Variants in FGF12 observed in about 807,000 individuals in gnomAD.
FGF12 encodes fibroblast growth factor 12.
Under a neutral mutation model 23.6 loss-of-function variants are expected in FGF12, and 14 were observed. The observed-to-expected ratio is 0.59, with a 90% CI of 0.39 to 0.93. The LOEUF is 0.93. FGF12 is among the 40% of genes least tolerant of loss of function. The pLI is 0.00. For missense variants in FGF12, 175 were observed against 217.8 expected (o/e 0.80, Z 1.24); for synonymous variants, 62 against 77.3 (o/e 0.80, Z 1.04).
intron 2 of FGF12, among the ~76,000 whole-genome samples, chr3:192,654,103 A>T (rs2108678450): frequency 6.6e-6 from 1 of 152,330 alleles, no homozygotes; most frequent in Middle Eastern, 3.4e-3. Context: ...TATGTGAAGG[A>T]TTTCAGGATT....
chr3:192,704,456 T>C (rs1266594820), intron 2 of FGF12, among the ~76,000 whole-genome samples: 2 of 152,226 alleles, frequency 1.3e-5, no homozygotes, highest in African/African-American at 4.8e-5. Flanking sequence ...TTCTGGGCAG[T>C]AAGTCTCAAT....
At chr3:192,169,103 G>T (rs1203548251) in intron 5 of FGF12, among the ~76,000 whole-genome samples, 1 of 152,164 alleles carries the variant, frequency 6.6e-6, no homozygotes, top group East Asian at 1.9e-4. Context: ...CACTTTGGGA[G>T]GCCGAGGTGG....
intron 2 of FGF12, among the ~76,000 whole-genome samples, chr3:192,706,473 C>A (rs1718475712): frequency 6.6e-6 from 1 of 152,092 alleles, no homozygotes; most frequent in Non-Finnish European, 1.5e-5. Context: ...GATCACCCGG[C>A]TCCCCGCCCA....
At chr3:192,209,439 C>A (rs1306422982) in intron 4 of FGF12, among the ~76,000 whole-genome samples, 2 of 152,192 alleles carry the variant, frequency 1.3e-5, no homozygotes, top group African/African-American at 4.8e-5. Context: ...ATAGAACAAG[C>A]TTCTGCCTTG....
At chr3:192,170,383 C>T (rs2108618511) in intron 5 of FGF12, 75 bp downstream of exon 5, 1 of 1,287,644 alleles carries the variant, frequency 7.8e-7, no homozygotes, top group South Asian at 1.3e-5. Context: ...ACTCTCTGGA[C>T]CAAAAGGGCA....
chr3:192,155,126 C>G (rs967430305), intron 5 of FGF12, among the ~76,000 whole-genome samples: 1 of 107,238 alleles, frequency 9.3e-6, no homozygotes, highest in African/African-American at 3.2e-5. Context: ...GAACTCCCTG[C>G]CCCCTTGCGC....
At chr3:192,426,972 T>C (rs191924314) in intron 2 of FGF12, among the ~76,000 whole-genome samples, 211 of 152,358 alleles carry the variant, frequency 1.4e-3, no homozygotes, top group African/African-American at 4.8e-3. Flanking sequence ...TTTTGAGGTA[T>C]ACAAAAATAC....
rs1236634306 is a variant in FGF12 at position 192,408,666 on chromosome 3, G to A, written c.14-48128C>T. On this transcript the variant is annotated intron_variant, in intron 2 of 5. Coordinates refer to ENST00000445105, the MANE Select transcript of FGF12 (RefSeq NM_004113.6). The surrounding 1 kb of genome is among the most constrained non-coding windows in gnomAD (Gnocchi z 7.3). ...GCGCAAGCGTTGTAAGGTGTCCAAA[G>A]TATACCTACACATACATACATAGAA... The A allele has an allele frequency of 2.0e-6, 2 of 1,011,250 alleles. No individual in the cohort carries two copies. Among genetic ancestry groups the A allele is most frequent in the South Asian group, 8.5e-5 (2 of 23,580 alleles). The allele number at this position is 1,011,250 out of a possible 1,614,324, so 62.6% of individuals were successfully genotyped here.
intron 2 of FGF12, among the ~76,000 whole-genome samples, chr3:192,486,226 T>C (rs1209397594): frequency 2.6e-5 from 4 of 152,240 alleles, no homozygotes; most frequent in South Asian, 2.1e-4. Flanking sequence ...TATATATCAA[T>C]GAGCAAGACA....
intron 2 of FGF12, among the ~76,000 whole-genome samples, chr3:192,428,314 T>C (rs2108788508): frequency 6.6e-6 from 1 of 152,120 alleles, no homozygotes; most frequent in Non-Finnish European, 1.5e-5. Flanking sequence ...TAATTAAAGG[T>C]GTGTTAGAGG....
chr3:192,284,355 T>C (rs1714323905), intron 4 of FGF12, among the ~76,000 whole-genome samples: 2 of 152,114 alleles, frequency 1.3e-5, no homozygotes, highest in South Asian at 4.1e-4. Flanking sequence ...AATATAATTC[T>C]TTGAGATATC....
At chr3:192,696,317 G>C (rs1022757738) in intron 2 of FGF12, among the ~76,000 whole-genome samples, 1 of 152,136 alleles carries the variant, frequency 6.6e-6, no homozygotes, top group Non-Finnish European at 1.5e-5. Flanking sequence ...CTCTGAGCAA[G>C]TGACTGATGC....
intron 4 of FGF12, among the ~76,000 whole-genome samples, chr3:192,259,983 G>C (rs1441963601): frequency 6.6e-6 from 1 of 152,098 alleles, no homozygotes; most frequent in Non-Finnish European, 1.5e-5. Flanking sequence ...TGCTTTTGCT[G>C]ACAGAAATTA....
chr3:192,448,076 T>C (rs932628197), intron 2 of FGF12, among the ~76,000 whole-genome samples: 2 of 150,794 alleles, frequency 1.3e-5, no homozygotes, highest in African/African-American at 5.0e-5. Context: ...AGTATTTTCA[T>C]ATATATATGT....
chr3:192,522,483 T>C (rs1227736289), intron 2 of FGF12, among the ~76,000 whole-genome samples: 1 of 152,260 alleles, frequency 6.6e-6, no homozygotes, highest in African/African-American at 2.4e-5. Context: ...ATAAAGGAAA[T>C]GGGAACCCTC....
At chr3:192,281,191 A>G (rs1003504984) in intron 4 of FGF12, among the ~76,000 whole-genome samples, 14 of 152,164 alleles carry the variant, frequency 9.2e-5, no homozygotes, top group African/African-American at 3.4e-4. Flanking sequence ...AACGTCAGCA[A>G]GGCCATCTTC....
intron 4 of FGF12, among the ~76,000 whole-genome samples, chr3:192,278,310 G>T (rs1314754947): frequency 1.3e-5 from 2 of 152,082 alleles, no homozygotes; most frequent in African/African-American, 4.8e-5. Flanking sequence ...AATTCTACAA[G>T]GAAGACATAG....
At chr3:192,247,239 A>G (rs111560637) in intron 4 of FGF12, among the ~76,000 whole-genome samples, 2,343 of 152,268 alleles carry the variant, frequency 0.015, 54 homozygotes, top group African/African-American at 0.054. Flanking sequence ...CTTGCAGCCT[A>G]ATCCCAAATA....
intron 4 of FGF12, among the ~76,000 whole-genome samples, chr3:192,315,302 A>G (rs1348162037): frequency 6.6e-6 from 1 of 152,062 alleles, no homozygotes; most frequent in Non-Finnish European, 1.5e-5. Context: ...TCTCAGTGCT[A>G]TATGTTCAAA....
Sources: gnomAD v4.1 joint callset for allele counts (sites outside exome capture counted in the v4.1 genomes callset) on GRCh38, gnomAD v4.1.1 for gene constraint, Gnocchi (gnomAD v3.1) non-coding constraint, MANE v1.5 for transcripts, NCBI Gene and HGNC (gene_info 2026-07-23, HGNC 2026-07-21) for gene names.